The following CACNA1A variants were observed in gnomAD, a reference collection of about 807,000 sequenced individuals.
CACNA1A encodes the protein voltage-dependent P/Q-type calcium channel subunit alpha-1A.
A neutral mutation model predicts 262.4 loss-of-function variants in CACNA1A; 57 were observed. The ratio of observed to expected loss-of-function variants is 0.22; its 90% CI spans 0.18 to 0.27. CACNA1A has a LOEUF of 0.27. Ranked by LOEUF, CACNA1A falls within the 10% of genes least tolerant of loss-of-function variation. The pLI is 1.00. For missense variants in CACNA1A, 2,526 were observed against 3,562.8 expected (o/e 0.71, Z 7.41); for synonymous variants, 1,431 against 1,419.3 (o/e 1.01, Z -0.18).
chr19:13,383,355 T>C (rs191011176), intron 3 of CACNA1A, among the ~76,000 whole-genome samples: 2 of 152,284 alleles, frequency 1.3e-5, no homozygotes, highest in African/African-American at 2.4e-5. Context: ...ATGAAGTTGC[T>C]GTCAATGGAG....
At position 13,380,014 on chromosome 19, in the gene CACNA1A, G is replaced by A. The variant is rs1040479817; in HGVS notation, c.540-8235C>T. On this transcript the variant is annotated intron_variant, in intron 3 of 46. Transcript: ENST00000360228. ...CTTATGAAATTTTATAGCCAGGTGC[G>A]GTGGCTCATGCCTGTAATCCCAGCA... 5.7e-5 allele frequency among the ~76,000 whole-genome samples: 8 copies of A among 140,462 alleles called. No individual in the cohort carries two copies. The South Asian group carries it at 1.6e-3, about 28-fold the overall frequency. The allele number at this position is 140,462 out of a possible 152,430, so 92.1% of individuals were successfully genotyped here.
chr19:13,478,929 T>C (rs1978907056), intron 1 of CACNA1A, among the ~76,000 whole-genome samples: 1 of 152,178 alleles, frequency 6.6e-6, no homozygotes, highest in Admixed American at 6.5e-5. Context: ...ATCCCAGCAC[T>C]TTGGAAGGCT....
At chr19:13,396,457 G>A (rs929400952) in intron 3 of CACNA1A, among the ~76,000 whole-genome samples, 1 of 152,070 alleles carries the variant, frequency 6.6e-6, no homozygotes, top group Non-Finnish European at 1.5e-5. Context: ...CCACAGCTGC[G>A]CCGGCCCCTA....
Position 13,231,879 on chromosome 19 carries a change from CAG to C in CACNA1A, c.5250-21_5250-20del. 1.2e-6 allele frequency: 2 copies of C among 1,606,394 alleles called. No homozygotes were observed. Among genetic ancestry groups the C allele is most frequent in the Non-Finnish European group, 1.7e-6 (2 of 1,174,444 alleles). On this transcript the variant is annotated intron_variant, in intron 34 of 46. Transcript: ENST00000360228. The stretch of plus-strand genomic sequence containing the variant: ...GGCACTCCTGAGGACAGGGAGAAAT[CAG>C]AGACTCGGACACCCAGCCCTGACTG...
At chr19:13,435,728 G>C (rs1048876754) in intron 3 of CACNA1A, among the ~76,000 whole-genome samples, 3 of 152,200 alleles carry the variant, frequency 2.0e-5, no homozygotes, top group African/African-American at 7.2e-5. Context: ...CTGGGCACTG[G>C]AGAAGCCCAT....
At position 13,308,325 on chromosome 19, in the gene CACNA1A, G is replaced by C; in HGVS notation, c.1782-74C>G. 1 of 1,565,872 alleles carries C rather than the reference G, an allele frequency of 6.4e-7. No homozygotes were observed. The highest frequency in any genetic ancestry group is 8.7e-7 in the Non-Finnish European group (1 of 1,152,416). On this transcript the variant is annotated intron_variant, in intron 13 of 46. Transcript: ENST00000360228. The surrounding 1 kb of genome is among the most constrained non-coding windows in gnomAD (Gnocchi z 4.2). Reference sequence around the variant, plus strand: ...GCCCCGGAGTCAGCCCTCGAAACACGAGGCTCACTTTCCCAACTTTCTGGA... The same window carrying C: ...GCCCCGGAGTCAGCCCTCGAAACACCAGGCTCACTTTCCCAACTTTCTGGA...
intron 1 of CACNA1A, among the ~76,000 whole-genome samples, chr19:13,488,390 CTTTTTTTTTTTTT>C (rs34348281): frequency 5.2e-5 from 4 of 77,622 alleles, no homozygotes; most frequent in South Asian, 7.6e-4. Context: ...TTTTTCTTTT[CTTTTTTTTTTTTT>C]TTTTTTTTTT....
intron 10 of CACNA1A, among the ~76,000 whole-genome samples, chr19:13,323,152 G>A (rs1046139260): frequency 6.6e-5 from 10 of 152,086 alleles, no homozygotes; most frequent in African/African-American, 1.2e-4. Flanking sequence ...TCAGTTACTC[G>A]GGAGGCTGAG....
chr19:13,262,530 C>T, intron 25 of CACNA1A: 1 of 536,286 alleles, frequency 1.9e-6, no homozygotes, highest in South Asian at 2.7e-5. Context: ...GAAAAACTGC[C>T]ATAATACACA....
At chr19:13,375,930 C>G (rs1313719959) in intron 3 of CACNA1A, among the ~76,000 whole-genome samples, 1 of 152,180 alleles carries the variant, frequency 6.6e-6, no homozygotes, top group Non-Finnish European at 1.5e-5. Flanking sequence ...AGGCTTCTTG[C>G]TGACATGGAG....
intron 3 of CACNA1A, among the ~76,000 whole-genome samples, chr19:13,377,720 G>C (rs561068524): frequency 3.3e-4 from 50 of 152,200 alleles, no homozygotes; most frequent in African/African-American, 1.2e-3. Flanking sequence ...CAAGTCTTAT[G>C]ATTTAAGGGA....
rs1269329395 is a variant in CACNA1A, at chr19:13,261,439, T to C, written c.4250+11A>G. On this transcript the variant is annotated intron_variant, in intron 26 of 46. Coordinates refer to ENST00000360228, the MANE Select transcript of CACNA1A (RefSeq NM_001127222.2). ...GTTCCAATGGGAATGTGCTGGAAAG[T>C]GGAGACCCACCGACAATCTTTCTCA... 3 of 1,561,886 alleles carry C rather than the reference T, an allele frequency of 1.9e-6. No individual in the cohort carries two copies. The highest frequency in any genetic ancestry group is 1.9e-5 in the Admixed American group (1 of 52,006).
intron 3 of CACNA1A, among the ~76,000 whole-genome samples, chr19:13,437,321 CTGAAGT>C (rs2060628767): frequency 6.6e-6 from 1 of 152,194 alleles, no homozygotes; most frequent in Non-Finnish European, 1.5e-5. Context: ...TTCATGCTCT[CTGAAGT>C]TGATCTCTAC....
chr19:13,247,570 C>A (rs1985580), intron 30 of CACNA1A, among the ~76,000 whole-genome samples: 1 of 151,924 alleles, frequency 6.6e-6, no homozygotes, highest in Non-Finnish European at 1.5e-5. Context: ...CGTGGTGGTG[C>A]GCGCCTGTAG....
chr19:13,359,073 C>T (rs76693404), intron 6 of CACNA1A, among the ~76,000 whole-genome samples: 3,525 of 152,228 alleles, frequency 0.023, 133 homozygotes, highest in African/African-American at 0.079. Context: ...GAGAATTGCA[C>T]GCAAGTTCAT....
chr19:13,278,354 T>C (rs2057201762), intron 22 of CACNA1A, among the ~76,000 whole-genome samples: 1 of 152,176 alleles, frequency 6.6e-6, no homozygotes, highest in African/African-American at 2.4e-5. Flanking sequence ...CCCAAGATGC[T>C]TCCACCTCAG....
At position 13,413,882 on chromosome 19, in the gene CACNA1A, AAAG is replaced by A. The variant is rs200784933; in HGVS notation, c.539+38991_539+38993del. Among the ~76,000 whole-genome samples, 237 of 123,254 alleles carry A rather than the reference AAAG, an allele frequency of 1.9e-3. 2 individuals carry two copies. Among genetic ancestry groups the A allele is most frequent in the East Asian group, 4.7e-3 (18 of 3,864 alleles). 80.9% of individuals were successfully genotyped at this position (123,254 alleles called of 152,430 possible). ...GGTGACAGAGCCAGACTCTGTCAAGAAAGAAAGAAAGAAAAAGAAAGAAAGAAA... is the reference window on the plus strand; with the variant it reads ...GGTGACAGAGCCAGACTCTGTCAAGAAAAGAAAGAAAAAGAAAGAAAGAAA... On this transcript the variant is annotated intron_variant, in intron 3 of 46. Coordinates refer to ENST00000360228, the MANE Select transcript of CACNA1A (RefSeq NM_001127222.2).
intron 30 of CACNA1A, among the ~76,000 whole-genome samples, chr19:13,251,410 G>A (rs187567654): frequency 1.3e-5 from 2 of 152,138 alleles, no homozygotes; most frequent in South Asian, 2.1e-4. Flanking sequence ...GTGAACCCAG[G>A]GGGTGGAGCT....
In CACNA1A at chr19:13,215,393, C is replaced by G. The variant is rs1045567433; in HGVS notation, c.5732-785G>C. 4.2e-5 allele frequency among the ~76,000 whole-genome samples: 6 copies of G among 144,158 alleles called. 1 individual carries two copies. Among genetic ancestry groups the G allele is most frequent in the African/African-American group, 1.6e-4 (6 of 38,526 alleles). 94.6% of individuals were successfully genotyped at this position (144,158 alleles called of 152,430 possible). ...GGAGTGCAATGGTGCAATCTCAGCT[C>G]ACTGCAACCTCTGCCTCCTGGGTTC... On this transcript the variant is annotated intron_variant, in intron 38 of 46. Coordinates refer to ENST00000360228, the MANE Select transcript of CACNA1A (RefSeq NM_001127222.2).
Sources: gnomAD v4.1 joint callset for allele counts (sites outside exome capture counted in the v4.1 genomes callset) on GRCh38, gnomAD v4.1.1 for gene constraint, Gnocchi (gnomAD v3.1) non-coding constraint, MANE v1.5 for transcripts, NCBI Gene and HGNC (gene_info 2026-07-23, HGNC 2026-07-21) for gene names.